The following SRGAP1 variants were observed in gnomAD, a reference collection of about 807,000 sequenced individuals.
The protein encoded by SRGAP1 is SLIT-ROBO Rho GTPase-activating protein 1.
A neutral mutation model predicts 121.9 loss-of-function variants in SRGAP1; 43 were observed. The ratio of observed to expected loss-of-function variants is 0.35; its 90% CI spans 0.28 to 0.46. The LOEUF (loss-of-function observed/expected upper bound fraction) is 0.46, where lower values mean the gene tolerates loss of function less well. SRGAP1 is among the 20% of genes least tolerant of loss of function. The probability of loss-of-function intolerance (pLI) is 1.00; values close to 1 mark genes in which losing one functional copy is unlikely to be tolerated. For synonymous variants in SRGAP1, 447 were observed against 485.4 expected (o/e 0.92, Z 1.04); for missense variants, 1,102 against 1,350.9 (o/e 0.82, Z 2.89).
intron 4 of SRGAP1, among the ~76,000 whole-genome samples, chr12:64,034,255 T>C (rs2034849591): frequency 6.6e-6 from 1 of 152,040 alleles, no homozygotes; most frequent in Admixed American, 6.5e-5. Flanking sequence ...TTTAAAAGTG[T>C]GTAGCACCTC....
intron 6 of SRGAP1, among the ~76,000 whole-genome samples, chr12:64,050,965 C>T (rs1007135700): frequency 6.6e-6 from 1 of 152,148 alleles, no homozygotes; most frequent in Non-Finnish European, 1.5e-5. Context: ...CTCAGGTGAT[C>T]TGCCTACCTC....
chr12:63,906,327 T>C (rs1409569361), intron 1 of SRGAP1, among the ~76,000 whole-genome samples: 1 of 152,188 alleles, frequency 6.6e-6, no homozygotes, highest in Non-Finnish European at 1.5e-5. Flanking sequence ...TTTTTTGTTT[T>C]GTTTTGAGAC....
At chr12:64,008,323 C>T (rs1276062200) in intron 3 of SRGAP1, among the ~76,000 whole-genome samples, 6 of 152,032 alleles carry the variant, frequency 3.9e-5, no homozygotes, top group Non-Finnish European at 5.9e-5. Flanking sequence ...TATTCAGCAA[C>T]CCAAGTGTCT....
intron 7 of SRGAP1, among the ~76,000 whole-genome samples, chr12:64,064,119 ATGT>A (rs1357057816): frequency 6.6e-6 from 1 of 152,176 alleles, no homozygotes; most frequent in Non-Finnish European, 1.5e-5. Flanking sequence ...AGCTGTGGAT[ATGT>A]TAAGCATGGC....
In SRGAP1 at chr12:64,144,588, G is replaced by T. The variant is rs1444826530; in HGVS notation, c.*1916G>T. ...AAATGAATAGTGACTTTTTTCCCATGTATTTCTAGGTATGGTAAACTTTTA... is the reference window on the plus strand; with the variant it reads ...AAATGAATAGTGACTTTTTTCCCATTTATTTCTAGGTATGGTAAACTTTTA... On this transcript the variant is annotated 3_prime_UTR_variant, in exon 22 of 22. Coordinates refer to ENST00000355086, the MANE Select transcript of SRGAP1 (RefSeq NM_020762.4). 1 of 152,040 alleles carries T rather than the reference G, an allele frequency of 6.6e-6. No individual in the cohort carries two copies. The highest frequency in any genetic ancestry group is 1.5e-5 in the Non-Finnish European group (1 of 68,024). The allele number at this position is 152,040 out of a possible 1,614,324, so 9.4% of individuals were successfully genotyped here. A position where few individuals can be genotyped will look rare whatever the true frequency, so the allele number is the denominator to read the frequency against.
chr12:64,107,988 C>T (rs1275604462), intron 15 of SRGAP1, among the ~76,000 whole-genome samples: 3 of 152,180 alleles, frequency 2.0e-5, no homozygotes, highest in Non-Finnish European at 2.9e-5. Context: ...AGTCCCAGGT[C>T]TGCCTCTTCT....
At chr12:63,880,656 G>C in intron 1 of SRGAP1, among the ~76,000 whole-genome samples, 1 of 152,126 alleles carries the variant, frequency 6.6e-6, no homozygotes, top group East Asian at 1.9e-4. Flanking sequence ...ATCTCATAGG[G>C]TGTAGGTATA....
chr12:63,894,726 G>GT (rs1565940016), intron 1 of SRGAP1, among the ~76,000 whole-genome samples: 4 of 152,154 alleles, frequency 2.6e-5, no homozygotes, highest in Non-Finnish European at 5.9e-5. Flanking sequence ...ACGGTGTTTG[G>GT]TTTTTTGTTC....
intron 1 of SRGAP1, among the ~76,000 whole-genome samples, chr12:63,946,562 C>A: frequency 7.0e-6 from 1 of 143,514 alleles, no homozygotes; most frequent in East Asian, 2.0e-4. Flanking sequence ...TTTTTTGAGA[C>A]AGAGTCTCAC....
In SRGAP1 at chr12:64,072,432, C is replaced by T. The variant is rs145103353; in HGVS notation, c.1126-6487C>T. Among the ~76,000 whole-genome samples the T allele has an allele frequency of 5.6e-4, 85 of 152,082 alleles. 2 individuals are homozygous for T. The highest frequency in any genetic ancestry group is 2.0e-3 in the African/African-American group (82 of 41,488). ...ATTCATATGTTAAATTCTTAGCTTC[C>T]AGTGACTAAGAATGTGATCTTATTT... is the stretch of plus-strand genomic sequence containing the variant. On this transcript the variant is annotated intron_variant, in intron 8 of 21. Coordinates refer to ENST00000355086, the MANE Select transcript of SRGAP1 (RefSeq NM_020762.4).
At position 64,146,467 on chromosome 12, in the gene SRGAP1, CTCTGGAG is replaced by C. The variant is rs1229439213; in HGVS notation, c.*3799_*3805del. 1.3e-5 allele frequency: 2 copies of C among 152,100 alleles called. No individual in the cohort carries two copies. Among genetic ancestry groups the C allele is most frequent in the Non-Finnish European group, 2.9e-5 (2 of 68,032 alleles). 9.4% of individuals were successfully genotyped at this position (152,100 alleles called of 1,614,324 possible). ...CCTTAACATTTAGGAATGACATAGC[CTCTGGAG>C]TCTACAAACTGAAGAAACTTTCATC... On this transcript the variant is annotated 3_prime_UTR_variant, in exon 22 of 22. Transcript: ENST00000355086.
rs1194851639 is a variant in SRGAP1 at position 64,149,121 on chromosome 12, T to C, written c.*6449T>C. 6.6e-6 allele frequency: 1 copy of C among 152,206 alleles called. No individual in the cohort carries two copies. Among genetic ancestry groups the C allele is most frequent in the Non-Finnish European group, 1.5e-5 (1 of 68,038 alleles). 9.4% of individuals were successfully genotyped at this position (152,206 alleles called of 1,614,324 possible). On this transcript the variant is annotated 3_prime_UTR_variant, in exon 22 of 22. Coordinates refer to ENST00000355086, the MANE Select transcript of SRGAP1 (RefSeq NM_020762.4). ...ATTTTAGTATTTCCTGATTAAACTT[T>C]GGGTAGTATATGCAGATATCTTTAA...
At chr12:64,121,459 T>C (rs1405523983) in intron 18 of SRGAP1, among the ~76,000 whole-genome samples, 1 of 152,186 alleles carries the variant, frequency 6.6e-6, no homozygotes, top group Non-Finnish European at 1.5e-5. Flanking sequence ...CTTCCTGTGT[T>C]GCCCAGGGTT....
chr12:63,937,083 A>G (rs138857011), intron 1 of SRGAP1, among the ~76,000 whole-genome samples: 6 of 152,120 alleles, frequency 3.9e-5, no homozygotes, highest in Admixed American at 1.3e-4. Context: ...AGAGGGAAGA[A>G]AAGAAAAGCA....
intron 3 of SRGAP1, among the ~76,000 whole-genome samples, chr12:63,994,544 A>G (rs2033640639): frequency 6.6e-6 from 1 of 152,122 alleles, no homozygotes; most frequent in Admixed American, 6.6e-5. Flanking sequence ...CAAATCCCCC[A>G]CAGCCATTTC....
At chr12:64,100,193 A>G (rs1256656169) in intron 15 of SRGAP1, among the ~76,000 whole-genome samples, 8 of 152,192 alleles carry the variant, frequency 5.3e-5, no homozygotes, top group Admixed American at 2.0e-4. Context: ...ACATATGCCA[A>G]TACCTGGGTT....
intron 1 of SRGAP1, among the ~76,000 whole-genome samples, chr12:63,900,212 T>TC (rs1555236574): frequency 5.0e-4 from 64 of 127,144 alleles, no homozygotes; most frequent in East Asian, 1.3e-3. Context: ...TTCTTTTTTT[T>TC]TTTTTTTTTT....
intron 1 of SRGAP1, among the ~76,000 whole-genome samples, chr12:63,859,567 CCT>C (rs1354057367): frequency 6.6e-6 from 1 of 152,014 alleles, no homozygotes; most frequent in Non-Finnish European, 1.5e-5. Context: ...TTGTTCTTTA[CCT>C]ATTTTCTTAA....
At chr12:64,003,048 GAGAA>G (rs1289887503) in intron 3 of SRGAP1, among the ~76,000 whole-genome samples, 4 of 120,772 alleles carry the variant, frequency 3.3e-5, no homozygotes, top group East Asian at 2.8e-4. Flanking sequence ...GAGAGAGAGA[GAGAA>G]AGAGAGAAAG....
Sources: allele counts gnomAD v4.1 joint callset (sites outside exome capture counted in the v4.1 genomes callset), GRCh38; gene constraint gnomAD v4.1.1; transcripts MANE v1.5; gene names NCBI Gene and HGNC (gene_info 2026-07-23, HGNC 2026-07-21).